LAMA5: variants seen among roughly 807,000 people sequenced by gnomAD.
The protein encoded by LAMA5 is laminin subunit alpha-5.
In LAMA5, 260 loss-of-function variants were observed where a neutral mutation model predicts 433.4. The observed-to-expected ratio is 0.60, with a 90% CI of 0.54 to 0.66. The LOEUF (loss-of-function observed/expected upper bound fraction) is 0.66. LAMA5 is among the 30% of genes least tolerant of loss of function. The probability of loss-of-function intolerance (pLI) is 0.00; values close to 1 mark genes in which losing one functional copy is unlikely to be tolerated. For missense variants in LAMA5, 5,378 were observed against 5,258.5 expected (o/e 1.02, Z -0.70); for synonymous variants, 2,620 against 2,226.6 (o/e 1.18, Z -4.97).
Position 62,310,927 on chromosome 20 carries a change from C to A in LAMA5, c.10256G>T (p.Arg3419Leu). The A allele has an allele frequency of 1.2e-6, 2 of 1,610,826 alleles. No individual in the cohort carries two copies. Among genetic ancestry groups the A allele is most frequent in the African/African-American group, 2.7e-5 (2 of 75,046 alleles). ...CTTGTGCCAGCGGCCAGGCCGGGAGCGCTGGCGGCTCTGGGCGCGGAGCCG... is the reference window on the plus strand; with the variant it reads ...CTTGTGCCAGCGGCCAGGCCGGGAGAGCTGGCGGCTCTGGGCGCGGAGCCG... Reference protein sequence around the residue: ...GTRLRAQSRQRSRPGRWHKVS... With the variant: ...GTRLRAQSRQLSRPGRWHKVS... The change falls in exon 74 of 80, where the codon CGC (arginine) becomes CTC (leucine). Residue 3419 changes from arginine (R) to leucine (L), a missense_variant. Transcript: ENST00000252999.
At chr20:62,320,536 C>T (rs1987576343) in intron 50 of LAMA5, 23 bp downstream of exon 50, 5 of 1,560,848 alleles carry the variant, frequency 3.2e-6, no homozygotes, top group African/African-American at 1.3e-5. Flanking sequence ...TCCCGGGGCC[C>T]TGGGGGGTCT....
In LAMA5 at chr20:62,334,234, C is replaced by T. The variant is rs1354725880; in HGVS notation, c.2691G>A (p.Glu897=). Residue 897 remains glutamate, a synonymous_variant, in exon 22 of 80, where the codon GAG becomes GAA. Transcript: ENST00000252999. ...AGCCCCTCCAGCTGAAGTTCTCGAA[C>T]TCGAGGGGGTTGAAGCCAAAGCGCA... ...HAVRFGFNPL[E]FENFSWRGYA... 1.2e-6 allele frequency: 2 copies of T among 1,612,922 alleles called. No individual in the cohort carries two copies. The highest frequency in any genetic ancestry group is 3.3e-5 in the Admixed American group (2 of 60,018).
At position 62,333,493 on chromosome 20, in the gene LAMA5, A is replaced by AGGTGGTGCTGAGGGTGGTGCTGAG; in HGVS notation, c.3022-13_3022-12insCTCAGCACCACCCTCAGCACCACC. 1 of 1,607,940 alleles carries AGGTGGTGCTGAGGGTGGTGCTGAG rather than the reference A, an allele frequency of 6.2e-7. No homozygotes were observed. On this transcript the variant is annotated splice_polypyrimidine_tract_variant and intron_variant, in intron 24 of 79. Coordinates refer to ENST00000252999, the MANE Select transcript of LAMA5 (RefSeq NM_005560.6). ...AGAACCACGTAGTCCTGCAGGGTGG[A>AGGTGGTGCTGAGGGTGGTGCTGAG]GGTGGTGCTGAGAGTGGTGGGCCCC... is the stretch of plus-strand genomic sequence containing the variant.
chr20:62,354,451 C>T (rs746487340), intron 2 of LAMA5, among the ~76,000 whole-genome samples: 2 of 151,860 alleles, frequency 1.3e-5, no homozygotes, highest in African/African-American at 4.8e-5. Context: ...TGCACCCACC[C>T]GACATGACCG....
intron 23 of LAMA5, 65 bp downstream of exon 23, chr20:62,333,836 A>ACTGGG: frequency 8.5e-7 from 1 of 1,176,238 alleles, no homozygotes; most frequent in Non-Finnish European, 1.1e-6. Context: ...GGGGCTTGGG[A>ACTGGG]GTGGGGTGGG....
chr20:62,337,594 G>A lies in LAMA5; in HGVS notation c.2160C>T (p.Cys720=), dbSNP rs749861062. The change falls in exon 16 of 80, where the codon TGC becomes TGT. Residue 720 remains cysteine (C), a synonymous_variant. Coordinates refer to ENST00000252999, the MANE Select transcript of LAMA5 (RefSeq NM_005560.6). Reference sequence around the variant, plus strand: ...CACAGCCACCTGCCTGCTCACCTTCGCAGTAGGGGAAGTTGTAGGCACCGG... The same window carrying A: ...CACAGCCACCTGCCTGCTCACCTTCACAGTAGGGGAAGTTGTAGGCACCGG... ...CVPGAYNFPY[C]EAGSCHPAGL... is the part of the protein sequence containing the mutation. 9.3e-6 allele frequency: 15 copies of A among 1,604,808 alleles called. No homozygotes were observed. Among genetic ancestry groups the A allele is most frequent in the Admixed American group, 3.4e-5 (2 of 58,700 alleles).
chr20:62,327,417 ACACG>A lies in LAMA5; in HGVS notation c.4939-15_4939-12del. The A allele has an allele frequency of 6.3e-7, 1 of 1,588,214 alleles. No individual in the cohort carries two copies. The highest frequency in any genetic ancestry group is 1.3e-5 in the African/African-American group (1 of 74,678). On this transcript the variant is annotated splice_polypyrimidine_tract_variant and intron_variant, in intron 37 of 79. Transcript: ENST00000252999. ...CTCCATATCCACGAACTGTGGGCACACACGTGTGGCTGCACACGGGTGGATGCCC... is the reference window on the plus strand; with the variant it reads ...CTCCATATCCACGAACTGTGGGCACATGTGGCTGCACACGGGTGGATGCCC...
intron 4 of LAMA5, 38 bp from the exon 5 acceptor site, chr20:62,352,117 C>A (rs536857017): frequency 5.0e-6 from 8 of 1,602,908 alleles, no homozygotes; most frequent in Non-Finnish European, 5.9e-6. Context: ...GTGGCCCTAG[C>A]CCCTGCTCAG....
At position 62,311,595 on chromosome 20, in the gene LAMA5, C is replaced by T; in HGVS notation, c.9806+19G>A. 1 of 1,607,300 alleles carries T rather than the reference C, an allele frequency of 6.2e-7. No homozygotes were observed. The highest frequency in any genetic ancestry group is 1.3e-5 in the African/African-American group (1 of 74,972). ...GAAGGCCAGCTGGGACCTTGTCCCCCAGCGCCCACCAGGCTCACCGCTGCA... is the reference window on the plus strand; with the variant it reads ...GAAGGCCAGCTGGGACCTTGTCCCCTAGCGCCCACCAGGCTCACCGCTGCA... On this transcript the variant is annotated intron_variant, in intron 71 of 79. Coordinates refer to ENST00000252999, the MANE Select transcript of LAMA5 (RefSeq NM_005560.6).
chr20:62,353,713 A>C (rs1481730914), intron 2 of LAMA5, among the ~76,000 whole-genome samples: 7 of 152,100 alleles, frequency 4.6e-5, no homozygotes, highest in African/African-American at 1.7e-4. Flanking sequence ...GCCACCAGGC[A>C]GGTCCAAAGG....
rs1984637538 is a variant in LAMA5 at position 62,353,227 on chromosome 20, T to C, written c.475A>G (p.Ile159Val). Residue 159 changes from isoleucine to valine, a missense_variant, in exon 3 of 80, where the codon ATC becomes GTC. Transcript: ENST00000252999. ...GGCCGGGGTGAGTTGGCAAACTTGA[T>C]GAGGACGTAGGCCACGTGGAAGACC... ...GQVFHVAYVL[I>V]KFANSPRPDL... is the part of the protein sequence containing the mutation. The C allele has an allele frequency of 1.3e-6, 2 of 1,595,694 alleles. No homozygotes were observed.
In LAMA5 at chr20:62,327,299, A is replaced by G; in HGVS notation, c.5046T>C (p.Pro1682=). ...EMLRADLRHV[P]EAVPEAFPEL... ...CGGGGAAAGCCTCGGGCACAGCCTC[A>G]GGCACGTGCCGCAGGTCTGCACGGA... The change falls in exon 38 of 80, where the codon CCT becomes CCC. Residue 1682 remains proline, a synonymous_variant. Coordinates refer to ENST00000252999, the MANE Select transcript of LAMA5 (RefSeq NM_005560.6). The G allele has an allele frequency of 1.3e-6, 2 of 1,587,580 alleles. No individual in the cohort carries two copies. The highest frequency in any genetic ancestry group is 1.8e-5 in the Admixed American group (1 of 56,674).
Position 62,322,049 on chromosome 20 carries a change from C to G in LAMA5, c.6466G>C (p.Gly2156Arg). 2 of 1,599,384 alleles carry G rather than the reference C, an allele frequency of 1.3e-6. No individual in the cohort carries two copies. The highest frequency in any genetic ancestry group is 1.7e-6 in the Non-Finnish European group (2 of 1,179,434). Residue 2156 changes from glycine to arginine, a missense_variant, in exon 48 of 80, where the codon GGG becomes CGG. By Grantham distance (125) the Gly-to-Arg change is moderately radical. Transcript: ENST00000252999. ...CAGTGGATGCTGTGGCCCACAGGCC[C>G]GCCTGGAACAGGCACCTGATGCTGC... ...SQQHQVPVPGGPVGHSIHCEV... is the reference protein window; with the variant it reads ...SQQHQVPVPGRPVGHSIHCEV...
chr20:62,357,503 G>A (rs529221304), intron 2 of LAMA5, among the ~76,000 whole-genome samples: 3 of 152,276 alleles, frequency 2.0e-5, no homozygotes, highest in East Asian at 1.9e-4. Context: ...CAGCAGGGGC[G>A]GGGCGGCAGC....
Position 62,362,492 on chromosome 20 carries a change from C to T in LAMA5, c.358G>A (p.Ala120Thr). ...NSNKAHPASN[A>T]IDGTERWWQS... The stretch of plus-strand genomic sequence containing the variant: ...CACCAGCGCTCCGTGCCATCGATGG[C>T]ATTGCTCGCGGGGTGTGCCTTGTTG... Residue 120 changes from alanine to threonine, a missense_variant, in exon 2 of 80, where the codon GCC becomes ACC. Transcript: ENST00000252999. 6.2e-7 allele frequency: 1 copy of T among 1,605,280 alleles called. No homozygotes were observed. The highest frequency in any genetic ancestry group is 8.5e-7 in the Non-Finnish European group (1 of 1,175,592).
At chr20:62,311,821 AC>A in intron 70 of LAMA5, 37 bp from the exon 71 acceptor site, 1 of 334,420 alleles carries the variant, frequency 3.0e-6, no homozygotes, top group Non-Finnish European at 5.0e-6. Flanking sequence ...GTTTTTCCCC[AC>A]CCTGCCCACC....
rs1422106752 is a variant in LAMA5, at chr20:62,311,297, C to T, written c.9953G>A (p.Arg3318His). 9.5e-6 allele frequency: 15 copies of T among 1,581,292 alleles called. No homozygotes were observed. Among genetic ancestry groups the T allele is most frequent in the Middle Eastern group, 3.4e-4 (2 of 5,830 alleles). Residue 3318 changes from arginine to histidine, a missense_variant, in exon 73 of 80, where the codon CGC becomes CAC. Coordinates refer to ENST00000252999, the MANE Select transcript of LAMA5 (RefSeq NM_005560.6). ...AGGATGCCGGGCGGGCTGACGGCTGCGGCGGGAGGCCTGGGGGCGTGGATG... is the reference window on the plus strand; with the variant it reads ...AGGATGCCGGGCGGGCTGACGGCTGTGGCGGGAGGCCTGGGGGCGTGGATG... The part of the protein sequence containing the change: ...LQATARKASR[R>H]SRQPARHPAC...
rs571062368 is a variant in LAMA5 at position 62,354,675 on chromosome 20, C to T, written c.451-1424G>A. ...AGGGGGCGGTGCCCAAGCAGCACCC[C>T]GCCTTCACACTCATGCAAGCCAGGG... On this transcript the variant is annotated intron_variant, in intron 2 of 79. Coordinates refer to ENST00000252999, the MANE Select transcript of LAMA5 (RefSeq NM_005560.6). Among the ~76,000 whole-genome samples, 6 of 152,238 alleles carry T rather than the reference C, an allele frequency of 3.9e-5. No homozygotes were observed. In the South Asian group the frequency reaches 6.2e-4, roughly 16 times the overall value.
At chr20:62,358,305 GGTGCCTCCCAGGACCCCCGCC>G (rs752297697) in intron 2 of LAMA5, among the ~76,000 whole-genome samples, 2 of 152,136 alleles carry the variant, frequency 1.3e-5, no homozygotes, top group Non-Finnish European at 2.9e-5. Flanking sequence ...GGAGGGGAGT[GGTGCCTCCCAGGACCCCCGCC>G]GTACCCCCCA....
Sources: allele counts gnomAD v4.1 joint callset (sites outside exome capture counted in the v4.1 genomes callset), GRCh38; gene constraint gnomAD v4.1.1; transcripts MANE v1.5; gene names NCBI Gene and HGNC (gene_info 2026-07-23, HGNC 2026-07-21).